The following SLC25A26 variants were observed in gnomAD, a reference collection of about 807,000 sequenced individuals.
SLC25A26 encodes mitochondrial S-adenosylmethionine carrier protein.
A neutral mutation model predicts 37.8 loss-of-function variants in SLC25A26; 36 were observed. The observed-to-expected ratio is 0.95, with a 90% CI of 0.73 to 1.26. The LOEUF is 1.26. SLC25A26 is among the 50% of genes most tolerant of loss of function. The probability of loss-of-function intolerance (pLI) is 0.00; values close to 1 mark genes in which losing one functional copy is unlikely to be tolerated. For missense variants in SLC25A26, 390 were observed against 331.1 expected (o/e 1.18, Z -1.38); for synonymous variants, 129 against 122.5 (o/e 1.05, Z -0.35).
chr3:66,165,568 G>A (rs2106720510), intron 1 of SLC25A26, among the ~76,000 whole-genome samples: 1 of 152,138 alleles, frequency 6.6e-6, no homozygotes, highest in Admixed American at 6.5e-5. Flanking sequence ...CTAGGATTCG[G>A]GAAGCCTGGA....
intron 5 of SLC25A26, among the ~76,000 whole-genome samples, chr3:66,342,171 T>C (rs551720704): frequency 6.6e-6 from 1 of 152,336 alleles, no homozygotes; most frequent in Admixed American, 6.5e-5. Context: ...GGCCAGTCCT[T>C]GGATCCACTC....
At chr3:66,178,443 A>C (rs894037936) in intron 1 of SLC25A26, among the ~76,000 whole-genome samples, 2 of 152,154 alleles carry the variant, frequency 1.3e-5, no homozygotes, top group African/African-American at 4.8e-5. Flanking sequence ...CGTTTGGTGC[A>C]CTTTTCGTGA....
chr3:66,254,105 A>G (rs1202339408), intron 3 of SLC25A26, among the ~76,000 whole-genome samples: 1 of 152,154 alleles, frequency 6.6e-6, no homozygotes, highest in African/African-American at 2.4e-5. Flanking sequence ...TAAGGGGGAA[A>G]GGTTTGATGA....
chr3:66,175,140 T>TATATATATATACACACAC (rs1413714739), intron 1 of SLC25A26, among the ~76,000 whole-genome samples: 2 of 67,046 alleles, frequency 3.0e-5, no homozygotes, highest in African/African-American at 6.4e-5. Flanking sequence ...TATATATATA[T>TATATATATATACACACAC]ACACACACAC....
intron 1 of SLC25A26, among the ~76,000 whole-genome samples, chr3:66,150,673 C>A (rs1187361823): frequency 9.6e-5 from 10 of 104,506 alleles, no homozygotes; most frequent in Non-Finnish European, 1.3e-4. Context: ...CTTGGAGGAG[C>A]AGTAATTAAC....
In SLC25A26 at chr3:66,352,440, TTG is replaced by T. The variant is rs1283613120; in HGVS notation, c.498+6034_498+6035del. Among the ~76,000 whole-genome samples, 47 of 137,078 alleles carry T rather than the reference TTG, an allele frequency of 3.4e-4. 1 individual carries two copies. Among genetic ancestry groups the T allele is most frequent in the African/African-American group, 1.0e-3 (37 of 35,564 alleles). 89.9% of individuals were successfully genotyped at this position (137,078 alleles called of 152,430 possible). A position where few individuals can be genotyped will look rare whatever the true frequency, so the allele number is the denominator to read the frequency against. On this transcript the variant is annotated intron_variant, in intron 6 of 9. Coordinates refer to ENST00000354883, the MANE Select transcript of SLC25A26 (RefSeq NM_001379210.1). Reference sequence around the variant, plus strand: ...CCCCTCGTTTTTTGTTTTTTGTTTTTTGTTTTTTTTTTTGAGATGTACCAAGG... The same window carrying T: ...CCCCTCGTTTTTTGTTTTTTGTTTTTTTTTTTTTTTTGAGATGTACCAAGG...
chr3:66,210,893 G>C (rs1245976409), intron 1 of SLC25A26, among the ~76,000 whole-genome samples: 1 of 152,158 alleles, frequency 6.6e-6, no homozygotes, highest in Non-Finnish European at 1.5e-5. Flanking sequence ...AGCTATGAAG[G>C]TGAGGCAACA....
intron 6 of SLC25A26, among the ~76,000 whole-genome samples, chr3:66,358,794 A>G (rs941260486): frequency 7.2e-5 from 11 of 152,216 alleles, no homozygotes; most frequent in Admixed American, 3.3e-4. Flanking sequence ...GTTTTTGTCT[A>G]TAAAATGACA....
At chr3:66,141,446 G>A (rs113044736) in intron 1 of SLC25A26, among the ~76,000 whole-genome samples, 59 of 151,692 alleles carry the variant, frequency 3.9e-4, no homozygotes, top group Non-Finnish European at 1.2e-4. Context: ...AATAGAAATA[G>A]GATTGTCATG....
chr3:66,293,585 G>A (rs369056005), intron 5 of SLC25A26, among the ~76,000 whole-genome samples: 16 of 151,180 alleles, frequency 1.1e-4, no homozygotes, highest in African/African-American at 1.5e-4. Context: ...ATTCCCCTCC[G>A]TGGATCTATG....
chr3:66,168,181 G>A (rs376299238), intron 1 of SLC25A26, among the ~76,000 whole-genome samples: 163 of 20,812 alleles, frequency 7.8e-3, no homozygotes, highest in Middle Eastern at 0.028. Flanking sequence ...ATATATGTGT[G>A]TGTGTATATA....
chr3:66,214,638 A>T (rs1475182848), intron 1 of SLC25A26, among the ~76,000 whole-genome samples: 5 of 151,886 alleles, frequency 3.3e-5, no homozygotes, highest in African/African-American at 1.2e-4. Flanking sequence ...ATCTTTACTC[A>T]TTTTTTTCTA....
chr3:66,338,627 C>G (rs558374816), intron 5 of SLC25A26, among the ~76,000 whole-genome samples: 14 of 151,974 alleles, frequency 9.2e-5, no homozygotes, highest in Non-Finnish European at 1.9e-4. Context: ...GTGTAACAGT[C>G]ATTACTATCT....
chr3:66,143,436 C>T (rs141639117), intron 1 of SLC25A26, among the ~76,000 whole-genome samples: 3 of 152,312 alleles, frequency 2.0e-5, no homozygotes, highest in East Asian at 3.9e-4. Flanking sequence ...CCCTGTAGTG[C>T]TCTACGTGCT....
intron 9 of SLC25A26, among the ~76,000 whole-genome samples, chr3:66,377,468 TAAA>T (rs531753688): frequency 6.6e-6 from 1 of 151,620 alleles, no homozygotes; most frequent in Non-Finnish European, 1.5e-5. Flanking sequence ...AACACCTTTT[TAAA>T]AAAAATCAAT....
intron 1 of SLC25A26, among the ~76,000 whole-genome samples, chr3:66,222,396 G>A (rs2071541929): frequency 6.6e-6 from 1 of 152,118 alleles, no homozygotes; most frequent in African/African-American, 2.4e-5. Flanking sequence ...TAGCCAGGAT[G>A]GTCTCGATCT....
At chr3:66,282,126 C>G (rs1338919050) in intron 5 of SLC25A26, among the ~76,000 whole-genome samples, 1 of 151,460 alleles carries the variant, frequency 6.6e-6, no homozygotes, top group Non-Finnish European at 1.5e-5. Flanking sequence ...ATTCTCCTGC[C>G]TCAGCCTCCC....
chr3:66,232,089 A>T (rs912299726), intron 1 of SLC25A26, among the ~76,000 whole-genome samples: 1 of 152,170 alleles, frequency 6.6e-6, no homozygotes, highest in Non-Finnish European at 1.5e-5. Flanking sequence ...TTGTGCATTT[A>T]TTTCTGTGGA....
At chr3:66,265,854 G>A (rs907698407) in intron 5 of SLC25A26, among the ~76,000 whole-genome samples, 1 of 152,216 alleles carries the variant, frequency 6.6e-6, no homozygotes, top group African/African-American at 2.4e-5. Context: ...CTAAACATGT[G>A]TTCCTTACTC....
Sources: allele counts gnomAD v4.1 joint callset (sites outside exome capture counted in the v4.1 genomes callset), GRCh38; gene constraint gnomAD v4.1.1; transcripts MANE v1.5; gene names NCBI Gene and HGNC (gene_info 2026-07-23, HGNC 2026-07-21).